The following RERE variants were observed in gnomAD, a reference collection of about 807,000 sequenced individuals.
The protein encoded by RERE is arginine-glutamic acid dipeptide repeats protein.
A neutral mutation model predicts 146.1 loss-of-function variants in RERE; 40 were observed. The ratio of observed to expected loss-of-function variants is 0.27; its 90% CI spans 0.21 to 0.36. The LOEUF is 0.36. RERE is among the 10% of genes least tolerant of loss of function. The pLI is 1.00. For missense variants in RERE, 1,933 were observed against 2,138.7 expected, an observed-to-expected ratio of 0.90 and a Z score of 1.90; for synonymous variants, 1,003 against 866.0, an observed-to-expected ratio of 1.16 and a Z score of -2.78.
intron 1 of RERE, among the ~76,000 whole-genome samples, chr1:8,713,750 G>GATA (rs1044871856): frequency 4.0e-5 from 6 of 151,774 alleles, no homozygotes; most frequent in East Asian, 1.9e-4. Flanking sequence ...TAATGATGAT[G>GATA]ATAATAATAA....
intron 1 of RERE, among the ~76,000 whole-genome samples, chr1:8,731,105 A>G (rs552724037): frequency 6.6e-6 from 1 of 152,362 alleles, no homozygotes; most frequent in African/African-American, 2.4e-5. Context: ...CAAAAGCTAC[A>G]TGAACCAGTA....
chr1:8,685,340 A>G (rs767799331), intron 1 of RERE, among the ~76,000 whole-genome samples: 5 of 152,218 alleles, frequency 3.3e-5, no homozygotes, highest in Non-Finnish European at 5.9e-5. Context: ...AACAATTATC[A>G]TTACTTCCTT....
chr1:8,442,205 C>T lies in RERE; in HGVS notation c.1204-19398G>A, dbSNP rs112990219. Among the ~76,000 whole-genome samples, 527 of 151,968 alleles carry T rather than the reference C, an allele frequency of 3.5e-3. 4 individuals carry two copies. The highest frequency in any genetic ancestry group is 4.4e-3 in the Non-Finnish European group (302 of 67,936). On this transcript the variant is annotated intron_variant, in intron 11 of 22. Coordinates refer to ENST00000400908, the MANE Select transcript of RERE (RefSeq NM_001042681.2). ...TTCAAGACCAGCCTGGCCACCATGG[C>T]GAAATCCTGTCTCTACTAAACATAC... is the stretch of plus-strand genomic sequence containing the variant.
At chr1:8,409,854 C>G (rs1425010054) in intron 12 of RERE, among the ~76,000 whole-genome samples, 2 of 151,904 alleles carry the variant, frequency 1.3e-5, no homozygotes, top group Non-Finnish European at 2.9e-5. Flanking sequence ...AAAGAGCCTA[C>G]TATTTCATGC....
Position 8,363,984 on chromosome 1 carries a change from G to C in RERE, c.1740+72C>G, listed in dbSNP as rs761316720. 2.8e-6 allele frequency: 4 copies of C among 1,417,170 alleles called. No individual in the cohort carries two copies. The Admixed American group carries it at 6.9e-5, about 25-fold the overall frequency. The allele number at this position is 1,417,170 out of a possible 1,614,324, so 87.8% of individuals were successfully genotyped here. On this transcript the variant is annotated intron_variant, in intron 15 of 22. Transcript: ENST00000400908. ...CAAGACTTTCGCTTCCTCCCCCTGG[G>C]AGGCTCAAGCCCCCACACATCCCAG... is the stretch of plus-strand genomic sequence containing the variant.
At chr1:8,802,294 A>T (rs1379143975) in intron 1 of RERE, among the ~76,000 whole-genome samples, 1 of 152,224 alleles carries the variant, frequency 6.6e-6, no homozygotes, top group African/African-American at 2.4e-5. Flanking sequence ...CTGAACAGCT[A>T]CCCGCTACAG....
At chr1:8,707,267 T>C (rs1639576919) in intron 1 of RERE, among the ~76,000 whole-genome samples, 1 of 152,210 alleles carries the variant, frequency 6.6e-6, no homozygotes, top group South Asian at 2.1e-4. Context: ...TCTGACTTTA[T>C]CCTAACAGTT....
chr1:8,711,156 C>CAA (rs1639659099), intron 1 of RERE, among the ~76,000 whole-genome samples: 1 of 16,866 alleles, frequency 5.9e-5, no homozygotes, highest in Non-Finnish European at 9.2e-5. Flanking sequence ...GACTCTGTCT[C>CAA]CAAAAAAAAA....
At chr1:8,682,198 A>G (rs891145818) in intron 1 of RERE, among the ~76,000 whole-genome samples, 2 of 152,162 alleles carry the variant, frequency 1.3e-5, no homozygotes, top group African/African-American at 4.8e-5. Flanking sequence ...GTGAAATGGG[A>G]CTTGTTCCCT....
intron 1 of RERE, among the ~76,000 whole-genome samples, chr1:8,697,948 T>TCATC (rs1639370432): frequency 6.6e-6 from 1 of 152,198 alleles, no homozygotes; most frequent in African/African-American, 2.4e-5. Flanking sequence ...CCAAAGAATG[T>TCATC]CATCACACAA....
At chr1:8,641,500 C>G (rs1647176263) in intron 2 of RERE, among the ~76,000 whole-genome samples, 1 of 152,148 alleles carries the variant, frequency 6.6e-6, no homozygotes, top group Non-Finnish European at 1.5e-5. Context: ...CAATTAGATT[C>G]TAGGTAAATA....
At position 8,423,833 on chromosome 1, in the gene RERE, G is replaced by C. The variant is rs1261031125; in HGVS notation, c.1204-1026C>G. 1.4e-5 allele frequency: 5 copies of C among 365,074 alleles called. No homozygotes were observed. In the East Asian group the frequency reaches 8.4e-4, roughly 61 times the overall value. 22.6% of individuals were successfully genotyped at this position (365,074 alleles called of 1,614,324 possible). ...GCGGCCGCGGGCGGCTGCAAAAGGC[G>C]GCCTGGATTGCCGCCGCCCTCCTGT... On this transcript the variant is annotated intron_variant, in intron 11 of 22. Transcript: ENST00000400908. This position sits in a 1 kb window ranked among gnomAD's most constrained non-coding sequence, Gnocchi z 5.4.
rs566440753 is a variant in RERE at position 8,392,164 on chromosome 1, A to G, written c.1285-26190T>C. Among the ~76,000 whole-genome samples the G allele has an allele frequency of 2.6e-5, 4 of 152,386 alleles. No individual in the cohort carries two copies. The South Asian group carries it at 8.3e-4, about 32-fold the overall frequency. ...CTGTAAGATGAATGAGTATAAAGAA[A>G]TCTAATAACAACTTGACTTACCTTG... On this transcript the variant is annotated intron_variant, in intron 12 of 22. Coordinates refer to ENST00000400908, the MANE Select transcript of RERE (RefSeq NM_001042681.2).
chr1:8,720,061 C>T (rs927859717), intron 1 of RERE, among the ~76,000 whole-genome samples: 1 of 151,424 alleles, frequency 6.6e-6, no homozygotes, highest in African/African-American at 2.4e-5. Flanking sequence ...TTCAAGAGAT[C>T]GAGACCATCC....
At chr1:8,570,283 A>G (rs1238927378) in intron 4 of RERE, among the ~76,000 whole-genome samples, 1 of 151,852 alleles carries the variant, frequency 6.6e-6, no homozygotes, top group Non-Finnish European at 1.5e-5. Flanking sequence ...GTGAAAGTGA[A>G]ATTGCGCCAC....
chr1:8,551,110 A>C (rs1645929770), intron 6 of RERE, among the ~76,000 whole-genome samples: 1 of 152,164 alleles, frequency 6.6e-6, no homozygotes, highest in South Asian at 2.1e-4. Context: ...CTATAACCTG[A>C]CCTGCAGTAG....
In RERE at chr1:8,360,218, C is replaced by A. The variant is rs374473508; in HGVS notation, c.3289G>T (p.Ala1097Ser). ...TCAGGCTCCTCAGCGTCGTCCAGAG[C>A]CTCCTCCTTGATCTGGACGGTGGGG... Reference protein sequence around the residue: ...PLPTVQIKEEALDDAEEPESP... With the variant: ...PLPTVQIKEESLDDAEEPESP... The change falls in exon 18 of 23, where the codon GCT (alanine) becomes TCT (serine). Residue 1097 changes from alanine to serine, a missense_variant. Transcript: ENST00000400908. 1 of 1,589,964 alleles carries A rather than the reference C, an allele frequency of 6.3e-7. No individual in the cohort carries two copies. Among genetic ancestry groups the A allele is most frequent in the Non-Finnish European group, 8.6e-7 (1 of 1,169,254 alleles).
chr1:8,438,259 G>A (rs1644197853), intron 11 of RERE, among the ~76,000 whole-genome samples: 1 of 82,628 alleles, frequency 1.2e-5, no homozygotes, highest in South Asian at 2.8e-4. Flanking sequence ...CCAAAGAGTT[G>A]GGATTATGGC....
At position 8,422,716 on chromosome 1, in the gene RERE, A is replaced by G. The variant is rs367555875; in HGVS notation, c.1284+11T>C. On this transcript the variant is annotated intron_variant, in intron 12 of 22. Transcript: ENST00000400908. ...AAAAAATCAAGTTACATAAAGTCCA[A>G]TTGTACTCACTGTTTCCTTATTGGG... The G allele has an allele frequency of 2.3e-5, 37 of 1,597,530 alleles. No individual in the cohort carries two copies. The highest frequency in any genetic ancestry group is 3.3e-5 in the Admixed American group (2 of 59,988).
Sources: allele counts gnomAD v4.1 joint callset (sites outside exome capture counted in the v4.1 genomes callset), GRCh38; gene constraint gnomAD v4.1.1; non-coding constraint Gnocchi (gnomAD v3.1); transcripts MANE v1.5; gene names NCBI Gene and HGNC (gene_info 2026-07-23, HGNC 2026-07-21).